Variants in VAV2 observed in about 807,000 individuals in gnomAD.
The protein encoded by VAV2 is vav guanine nucleotide exchange factor 2.
Under a neutral mutation model 132.5 loss-of-function variants are expected in VAV2, and 67 were observed. The observed-to-expected ratio is 0.51, with a 90% CI of 0.42 to 0.62. VAV2 has a LOEUF of 0.62. Ranked by LOEUF, VAV2 falls within the 20% of genes least tolerant of loss-of-function variation. The pLI is 0.00. For missense variants in VAV2, 938 were observed against 1,153.6 expected (o/e 0.81, Z 2.71); for synonymous variants, 492 against 443.5 (o/e 1.11, Z -1.37).
At chr9:133,955,975 G>A (rs1299106370) in intron 1 of VAV2, among the ~76,000 whole-genome samples, 1 of 150,980 alleles carries the variant, frequency 6.6e-6, no homozygotes, top group Non-Finnish European at 1.5e-5. Context: ...TCTCAGACGG[G>A]CAGCCAGCAC....
chr9:133,774,882 C>T (rs746101721), intron 25 of VAV2, 53 bp downstream of exon 25: 44 of 1,529,394 alleles, frequency 2.9e-5, no homozygotes, highest in Non-Finnish European at 3.8e-5. Flanking sequence ...GTGCTCTCCA[C>T]TTCAGAACGG....
chr9:133,901,453 G>C (rs1032801281), intron 2 of VAV2, among the ~76,000 whole-genome samples: 2 of 152,246 alleles, frequency 1.3e-5, no homozygotes, highest in African/African-American at 4.8e-5. Flanking sequence ...AGCATGGCCT[G>C]TGGTGGCTCT....
chr9:133,974,686 A>G (rs926826094), intron 1 of VAV2, among the ~76,000 whole-genome samples: 6 of 151,984 alleles, frequency 3.9e-5, no homozygotes, highest in African/African-American at 1.2e-4. Context: ...CCTCTTCCTC[A>G]CTGTGCCATT....
chr9:133,961,141 G>A lies in VAV2; in HGVS notation c.205-21922C>T, dbSNP rs557492556. On this transcript the variant is annotated intron_variant, in intron 1 of 29. Transcript: ENST00000371850. This position sits in a 1 kb window ranked among gnomAD's most constrained non-coding sequence, Gnocchi z 4.1. ...TGAGCGCTTTTAGTTAGCCCAACACGGACCAAGGCCACCTCGGCTTCATTC... is the reference window on the plus strand; with the variant it reads ...TGAGCGCTTTTAGTTAGCCCAACACAGACCAAGGCCACCTCGGCTTCATTC... Among the ~76,000 whole-genome samples the A allele has an allele frequency of 2.0e-5, 3 of 152,342 alleles. No individual in the cohort carries two copies. Among genetic ancestry groups the A allele is most frequent in the Admixed American group, 6.5e-5 (1 of 15,306 alleles).
At chr9:133,894,824 C>T (rs1333456952) in intron 2 of VAV2, among the ~76,000 whole-genome samples, 1 of 152,178 alleles carries the variant, frequency 6.6e-6, no homozygotes, top group Non-Finnish European at 1.5e-5. Context: ...CAGCCTGTCC[C>T]CCAGCAGGGC....
chr9:133,768,709 T>C lies in VAV2; in HGVS notation c.2435-113A>G. 7.6e-7 allele frequency: 1 copy of C among 1,320,740 alleles called. No individual in the cohort carries two copies. The highest frequency in any genetic ancestry group is 1.0e-6 in the Non-Finnish European group (1 of 985,220). The allele number at this position is 1,320,740 out of a possible 1,614,324, so 81.8% of individuals were successfully genotyped here. A position where few individuals can be genotyped will look rare whatever the true frequency, so the allele number is the denominator to read the frequency against. On this transcript the variant is annotated intron_variant, in intron 28 of 29. Transcript: ENST00000371850. The surrounding 1 kb of genome is among the most constrained non-coding windows in gnomAD (Gnocchi z 5.3). ...CCCTGGTGCCCAGAACCCTGCTCTG[T>C]ACCCAGAGAGGAAGGATGTCAAGCA...
At chr9:133,899,581 A>G (rs1237481430) in intron 2 of VAV2, among the ~76,000 whole-genome samples, 1 of 150,920 alleles carries the variant, frequency 6.6e-6, no homozygotes, top group East Asian at 2.0e-4. Context: ...ATACCCAGCT[A>G]ATTTTTGTAG....
intron 3 of VAV2, among the ~76,000 whole-genome samples, chr9:133,839,230 T>C (rs1021268662): frequency 1.6e-4 from 24 of 151,936 alleles, no homozygotes; most frequent in Non-Finnish European, 3.1e-4. Context: ...GTGGCTGGAT[T>C]CATGGGTGCA....
Position 133,763,327 on chromosome 9 carries a change from A to C in VAV2, c.*735T>G, listed in dbSNP as rs1163880829. On this transcript the variant is annotated 3_prime_UTR_variant, in exon 30 of 30. Coordinates refer to ENST00000371850, the MANE Select transcript of VAV2 (RefSeq NM_001134398.2). This position sits in a 1 kb window ranked among gnomAD's most constrained non-coding sequence, Gnocchi z 6.8. ...AAGGGCCTCTCAGAGAGAGGGCAGG[A>C]AACGGTACCGCTGACCGGGCAGCAG... 1 of 152,202 alleles carries C rather than the reference A, an allele frequency of 6.6e-6. No individual in the cohort carries two copies. Among genetic ancestry groups the C allele is most frequent in the Non-Finnish European group, 1.5e-5 (1 of 68,072 alleles). The allele number at this position is 152,202 out of a possible 1,614,324, so 9.4% of individuals were successfully genotyped here.
chr9:133,980,694 C>T (rs1842664791), intron 1 of VAV2, among the ~76,000 whole-genome samples: 1 of 152,226 alleles, frequency 6.6e-6, no homozygotes, highest in Non-Finnish European at 1.5e-5. Flanking sequence ...CCAGCCAGGT[C>T]GAGCTCTGCA....
At chr9:133,951,473 G>A (rs547566389) in intron 1 of VAV2, among the ~76,000 whole-genome samples, 218 of 152,248 alleles carry the variant, frequency 1.4e-3, no homozygotes, top group African/African-American at 4.7e-3. Flanking sequence ...GTGAGTGGCC[G>A]TCACCCGCCA....
chr9:133,972,994 G>A (rs1842389828), intron 1 of VAV2, among the ~76,000 whole-genome samples: 1 of 152,134 alleles, frequency 6.6e-6, no homozygotes, highest in Admixed American at 6.5e-5. Flanking sequence ...AGGCGGAGGA[G>A]GAGGGCACTG....
rs371333828 is a variant in VAV2 at position 133,801,404 on chromosome 9, A to G, written c.837-3595T>C. Among the ~76,000 whole-genome samples, 162 of 152,366 alleles carry G rather than the reference A, an allele frequency of 1.1e-3. 1 individual carries two copies. The highest frequency in any genetic ancestry group is 6.8e-3 in the Middle Eastern group (2 of 294). ...GTCGCCCAAGAAGGGGAACAGGGCC[A>G]GATTCCAAAGCGAATGCACATGGCT... On this transcript the variant is annotated intron_variant, in intron 9 of 29. Transcript: ENST00000371850.
At position 133,812,161 on chromosome 9, in the gene VAV2, C is replaced by T; in HGVS notation, c.505G>A (p.Asp169Asn). 2 of 1,614,038 alleles carry T rather than the reference C, an allele frequency of 1.2e-6. No individual in the cohort carries two copies. Among genetic ancestry groups the T allele is most frequent in the Non-Finnish European group, 1.7e-6 (2 of 1,180,002 alleles). ...YDCVPCEDGG[D>N]DIYEDIIKVE... ...TTGATGATGTCCTCGTAGATGTCGT[C>T]CCCTCCATCCTCACACGGGACGCAG... The change falls in exon 5 of 30, where the codon GAC becomes AAC. Residue 169 changes from aspartate (D) to asparagine (N), a missense_variant. Coordinates refer to ENST00000371850, the MANE Select transcript of VAV2 (RefSeq NM_001134398.2).
chr9:133,814,719 C>T (rs1297166305), intron 4 of VAV2, among the ~76,000 whole-genome samples: 1 of 152,238 alleles, frequency 6.6e-6, no homozygotes, highest in East Asian at 1.9e-4. Context: ...AGGGCTCTCC[C>T]CCACCACTCA....
chr9:133,941,088 A>G (rs1841131963), intron 1 of VAV2, among the ~76,000 whole-genome samples: 1 of 152,066 alleles, frequency 6.6e-6, no homozygotes, highest in African/African-American at 2.4e-5. Flanking sequence ...CAGCCACTAG[A>G]CACCTGTGCC....
At chr9:133,911,259 G>A (rs530727840) in intron 2 of VAV2, among the ~76,000 whole-genome samples, 6 of 152,328 alleles carry the variant, frequency 3.9e-5, no homozygotes, top group Admixed American at 2.6e-4. Context: ...CCAGCCCTTC[G>A]CCCTGGAGCG....
intron 1 of VAV2, among the ~76,000 whole-genome samples, chr9:133,964,022 C>CATATGTACATATATATATAT (rs1217468550): frequency 1.4e-4 from 13 of 93,874 alleles, no homozygotes; most frequent in African/African-American, 2.4e-4. Flanking sequence ...ATTATTCATT[C>CATATGTACATATATATATAT]ATATATATAT....
intron 1 of VAV2, among the ~76,000 whole-genome samples, chr9:133,948,258 G>C (rs745669180): frequency 6.6e-6 from 1 of 152,170 alleles, no homozygotes; most frequent in East Asian, 1.9e-4. Flanking sequence ...TCCTTCGCTC[G>C]GGCCCATTTC....
Sources: allele counts gnomAD v4.1 joint callset (sites outside exome capture counted in the v4.1 genomes callset), GRCh38; gene constraint gnomAD v4.1.1; non-coding constraint Gnocchi (gnomAD v3.1); transcripts MANE v1.5; gene names NCBI Gene and HGNC (gene_info 2026-07-23, HGNC 2026-07-21).